LAMA2: variants seen among roughly 807,000 people sequenced by gnomAD.
LAMA2 encodes the protein laminin subunit alpha 2.
LAMA2 carries 269 observed loss-of-function variants against 364.8 expected under a neutral mutation model. The ratio of observed to expected loss-of-function variants is 0.74; its 90% confidence interval spans 0.67 to 0.82. The LOEUF (loss-of-function observed/expected upper bound fraction) is 0.82, where lower values mean the gene tolerates loss of function less well. Among genes scored for constraint, LAMA2 ranks in the 40% least tolerant of loss-of-function variants. The pLI, the probability that LAMA2 is intolerant of heterozygous loss-of-function variation, is 0.00. For missense variants in LAMA2, 3,807 were observed against 3,873.2 expected (o/e 0.98, Z 0.45); for synonymous variants, 1,379 against 1,370.6 (o/e 1.01, Z -0.14).
chr6:129,314,691 C>T lies in LAMA2; in HGVS notation c.3448C>T (p.Pro1150Ser), dbSNP rs1297441169. 2 of 1,613,634 alleles carry T rather than the reference C, an allele frequency of 1.2e-6. No homozygotes were observed. Among genetic ancestry groups the T allele is most frequent in the African/African-American group, 2.7e-5 (2 of 74,904 alleles). Residue 1150 changes from proline to serine, a missense_variant, in exon 24 of 65, where the codon CCT (proline) becomes TCT (serine). Pro to Ser is a moderately conservative substitution (Grantham distance 74). This residue lies in a region of LAMA2 where 3,333 missense variants were observed against 3,345.7 expected (regional missense o/e 1.00). Coordinates refer to ENST00000421865, the MANE Select transcript of LAMA2 (RefSeq NM_000426.4). ...VEGIHCDRCR[P>S]GKFGLDAKNP... ...AGGCATCCACTGTGACAGATGCCGGCCTGGCAAATTCGGACTCGATGCCAA... is the reference window on the plus strand; with the variant it reads ...AGGCATCCACTGTGACAGATGCCGGTCTGGCAAATTCGGACTCGATGCCAA...
chr6:128,960,552 G>T (rs1781423432), intron 1 of LAMA2, among the ~76,000 whole-genome samples: 1 of 151,878 alleles, frequency 6.6e-6, no homozygotes, highest in South Asian at 2.1e-4. Context: ...TAGAGATGGG[G>T]TTTCACCATG....
intron 3 of LAMA2, among the ~76,000 whole-genome samples, chr6:129,078,697 T>A (rs1269694130): frequency 1.4e-4 from 21 of 152,176 alleles, no homozygotes. Flanking sequence ...TAGCCACTTT[T>A]AAGTGTACAT....
intron 1 of LAMA2, among the ~76,000 whole-genome samples, chr6:128,915,453 G>A (rs938789145): frequency 1.3e-5 from 2 of 152,166 alleles, no homozygotes; most frequent in East Asian, 1.9e-4. Flanking sequence ...TTGTGGAACA[G>A]CATGAGACAT....
chr6:129,366,377 C>A lies in LAMA2; in HGVS notation c.4860+16C>A. 2 of 1,612,894 alleles carry A rather than the reference C, an allele frequency of 1.2e-6. No homozygotes were observed. The highest frequency in any genetic ancestry group is 2.2e-5 in the South Asian group (2 of 90,928). On this transcript the variant is annotated intron_variant, in intron 33 of 64. Coordinates refer to ENST00000421865, the MANE Select transcript of LAMA2 (RefSeq NM_000426.4). Reference sequence around the variant, plus strand: ...GGAGCTAAAGGTAGGTTGGTGCAGTCACAAGCAAGGGCCAGGGACAAGGTG... The same window carrying A: ...GGAGCTAAAGGTAGGTTGGTGCAGTAACAAGCAAGGGCCAGGGACAAGGTG...
rs956998936 is a variant in LAMA2 at position 129,507,548 on chromosome 6, T to C, written c.8763T>C (p.Asp2921=). The change falls in exon 62 of 65, where the codon GAT becomes GAC. Residue 2921 remains aspartate, a synonymous_variant. Transcript: ENST00000421865. ...TCCACATGGCAGAGGCCCCTGCCGA[T>C]CTGGAACAACCCACCTCCAGCTTCC... ...RNLHMAEAPA[D]LEQPTSSFHV... 2 of 1,614,114 alleles carry C rather than the reference T, an allele frequency of 1.2e-6. No homozygotes were observed. Among genetic ancestry groups the C allele is most frequent in the Non-Finnish European group, 1.7e-6 (2 of 1,179,946 alleles).
At chr6:129,205,515 C>T (rs973550118) in intron 12 of LAMA2, among the ~76,000 whole-genome samples, 1 of 124,624 alleles carries the variant, frequency 8.0e-6, no homozygotes, top group African/African-American at 4.1e-5. Flanking sequence ...CACACACACA[C>T]ACACACACAC....
intron 3 of LAMA2, among the ~76,000 whole-genome samples, chr6:129,075,745 G>T (rs568263900): frequency 1.3e-5 from 2 of 152,256 alleles, no homozygotes; most frequent in Non-Finnish European, 2.9e-5. Context: ...GGAGCAGAAT[G>T]GAGATACTGG....
chr6:129,371,547 C>T (rs1196656804), intron 34 of LAMA2, among the ~76,000 whole-genome samples: 1 of 151,546 alleles, frequency 6.6e-6, no homozygotes, highest in South Asian at 2.1e-4. Context: ...CTGCGCAGTC[C>T]TTGCCCTCAT....
At position 129,397,402 on chromosome 6, in the gene LAMA2, T is replaced by C. The variant is rs577728365; in HGVS notation, c.5446-3822T>C. ...AAGAATATATTATACATTAATTTACTCATTCATTTTATCTCTCCTCCACAC... is the reference window on the plus strand; with the variant it reads ...AAGAATATATTATACATTAATTTACCCATTCATTTTATCTCTCCTCCACAC... On this transcript the variant is annotated intron_variant, in intron 37 of 64. Transcript: ENST00000421865. 1.5e-4 allele frequency among the ~76,000 whole-genome samples: 23 copies of C among 152,322 alleles called. No individual in the cohort carries two copies. In the South Asian group the frequency reaches 4.6e-3, roughly 30 times the overall value.
chr6:129,496,153 TTTTG>T lies in LAMA2; in HGVS notation c.8244+3688_8244+3691del, dbSNP rs377440882. ...AATTCCAACTGCTATTTCACCTTCT[TTTTG>T]TTTGTTTGTTTGTTTGTCTGTTTTT... is the stretch of plus-strand genomic sequence containing the variant. On this transcript the variant is annotated intron_variant, in intron 58 of 64. Transcript: ENST00000421865. Among the ~76,000 whole-genome samples, 1,308 of 152,146 alleles carry T rather than the reference TTTTG, an allele frequency of 8.6e-3. 10 individuals carry two copies. The highest frequency in any genetic ancestry group is 0.014 in the Non-Finnish European group (951 of 67,982).
chr6:128,956,741 T>C (rs1437142670), intron 1 of LAMA2, among the ~76,000 whole-genome samples: 1 of 152,112 alleles, frequency 6.6e-6, no homozygotes, highest in Non-Finnish European at 1.5e-5. Flanking sequence ...GCTTCTATTT[T>C]ACTTGTTATG....
chr6:129,281,581 A>T (rs1562411377), intron 18 of LAMA2, among the ~76,000 whole-genome samples: 7 of 152,192 alleles, frequency 4.6e-5, no homozygotes, highest in Admixed American at 3.9e-4. Flanking sequence ...ATATAAATAG[A>T]TGCATTTTCC....
chr6:129,093,129 C>A (rs1327605183), intron 3 of LAMA2, among the ~76,000 whole-genome samples: 1 of 151,216 alleles, frequency 6.6e-6, no homozygotes, highest in African/African-American at 2.4e-5. Context: ...ATTACAGGCG[C>A]CCACCACCAC....
chr6:128,920,850 A>G (rs532406519), intron 1 of LAMA2, among the ~76,000 whole-genome samples: 275 of 152,294 alleles, frequency 1.8e-3, no homozygotes, highest in African/African-American at 6.3e-3. Context: ...TGTTGAGAGT[A>G]TGAAGCACTA....
At position 129,514,555 on chromosome 6, in the gene LAMA2, A is replaced by G. The variant is rs1293824666; in HGVS notation, c.9171A>G (p.Ser3057=). The G allele has an allele frequency of 6.2e-7, 1 of 1,614,156 alleles. No homozygotes were observed. The highest frequency in any genetic ancestry group is 1.7e-5 in the Admixed American group (1 of 60,014). ...AAAGCCCAAACCCAGCATCTACATC[A>G]GCTGACACAAATGACCCTGTGTTTG... ...EAQSPNPAST[S]ADTNDPVFVG... The change falls in exon 64 of 65, where the codon TCA becomes TCG. Residue 3057 remains serine, a synonymous_variant. Coordinates refer to ENST00000421865, the MANE Select transcript of LAMA2 (RefSeq NM_000426.4).
At chr6:129,438,162 G>A (rs1412931777) in intron 41 of LAMA2, among the ~76,000 whole-genome samples, 1 of 151,502 alleles carries the variant, frequency 6.6e-6, no homozygotes, top group Non-Finnish European at 1.5e-5. Flanking sequence ...TCTTTAATGT[G>A]TATTTTTGTC....
chr6:129,203,831 T>C (rs1189717211), intron 12 of LAMA2, among the ~76,000 whole-genome samples: 1 of 152,216 alleles, frequency 6.6e-6, no homozygotes, highest in Non-Finnish European at 1.5e-5. Context: ...TATCCCTTAA[T>C]CTAGTTGAGC....
intron 2 of LAMA2, among the ~76,000 whole-genome samples, chr6:129,055,653 C>T (rs1217713965): frequency 6.6e-6 from 1 of 152,022 alleles, no homozygotes; most frequent in Non-Finnish European, 1.5e-5. Context: ...GATAAAATTC[C>T]ACAAATTCAG....
At chr6:128,956,429 T>C (rs1781152961) in intron 1 of LAMA2, among the ~76,000 whole-genome samples, 1 of 152,006 alleles carries the variant, frequency 6.6e-6, no homozygotes, top group African/African-American at 2.4e-5. Flanking sequence ...TGTAGATTGG[T>C]AGTAAATTTT....
Sources: gnomAD v4.1 joint callset for allele counts (sites outside exome capture counted in the v4.1 genomes callset) on GRCh38, gnomAD v4.1.1 for gene constraint, gnomAD v4.1.1 regional missense constraint, MANE v1.5 for transcripts, NCBI Gene and HGNC (gene_info 2026-07-23, HGNC 2026-07-21) for gene names.